WWOX: variants seen among roughly 807,000 people sequenced by gnomAD.
WWOX encodes the protein WW domain containing oxidoreductase, also known as WW domain-containing oxidoreductase.
In WWOX, 69 loss-of-function variants were observed where a neutral mutation model predicts 46.2. The ratio of observed to expected loss-of-function variants is 1.49; its 90% CI spans 1.23 to 1.82. The LOEUF is 1.82. WWOX is among the 40% of genes most tolerant of loss of function. WWOX has a pLI of 0.00. For missense variants in WWOX, 919 were observed against 542.6 expected (o/e 1.69, Z -6.89); for synonymous variants, 359 against 202.6 (o/e 1.77, Z -6.56).
intron 8 of WWOX, among the ~76,000 whole-genome samples, chr16:78,499,239 G>T (rs2084995656): frequency 6.6e-6 from 1 of 152,060 alleles, no homozygotes; most frequent in Non-Finnish European, 1.5e-5. Context: ...GGGGGGTGAG[G>T]GGGCGGAGGT....
At chr16:78,107,796 C>G (rs893342115) in intron 1 of WWOX, among the ~76,000 whole-genome samples, 11 of 151,968 alleles carry the variant, frequency 7.2e-5, no homozygotes, top group African/African-American at 2.7e-4. Flanking sequence ...ATAGTGAGAC[C>G]CTGATTCTTT....
intron 8 of WWOX, chr16:79,077,508 T>C (rs2048680353): frequency 6.6e-6 from 1 of 152,120 alleles, no homozygotes; most frequent in Admixed American, 6.5e-5. Flanking sequence ...ACAGAGATGG[T>C]CTAAACTGTA....
intron 2 of WWOX, among the ~76,000 whole-genome samples, chr16:78,109,446 T>C (rs916713331): frequency 6.6e-6 from 1 of 152,146 alleles, no homozygotes; most frequent in Non-Finnish European, 1.5e-5. Context: ...ATGAATGACG[T>C]TGGGTGCCTG....
chr16:78,446,818 C>A (rs4374181), intron 8 of WWOX, among the ~76,000 whole-genome samples: 17,157 of 151,504 alleles, frequency 0.11, 1,080 homozygotes, highest in East Asian at 0.2. Flanking sequence ...GTGCTACTAC[C>A]CCCGGCAAAC....
chr16:79,173,729 C>G (rs1284281869), intron 8 of WWOX, among the ~76,000 whole-genome samples: 2 of 151,166 alleles, frequency 1.3e-5, no homozygotes, highest in Non-Finnish European at 2.9e-5. Context: ...AGTATATTCA[C>G]TTAATGGAAT....
At chr16:78,328,717 C>G (rs2080688540) in intron 5 of WWOX, among the ~76,000 whole-genome samples, 1 of 152,154 alleles carries the variant, frequency 6.6e-6, no homozygotes, top group African/African-American at 2.4e-5. Context: ...CAGTCTGGGA[C>G]TTCTGCTGAA....
intron 5 of WWOX, among the ~76,000 whole-genome samples, chr16:78,306,424 C>G (rs7200663): frequency 0.054 from 8,234 of 152,188 alleles, 586 homozygotes; most frequent in African/African-American, 0.17. Flanking sequence ...AACCCTGCAT[C>G]ATGGTGTCCA....
intron 8 of WWOX, among the ~76,000 whole-genome samples, chr16:78,802,468 T>G (rs1275758319): frequency 6.6e-6 from 1 of 152,288 alleles, no homozygotes; most frequent in East Asian, 1.9e-4. Flanking sequence ...TCCACTATAT[T>G]AATCTGGAAT....
intron 8 of WWOX, among the ~76,000 whole-genome samples, chr16:79,081,555 A>G (rs370806872): frequency 3.9e-5 from 6 of 152,324 alleles, no homozygotes; most frequent in African/African-American, 1.4e-4. Context: ...CAACTCTGCT[A>G]TCTGCTCTTT....
Position 78,424,983 on chromosome 16 carries a change from T to C in WWOX, c.719T>C (p.Val240Ala). The change falls in exon 7 of 9, where the codon GTC (valine) becomes GCC (alanine). Residue 240 changes from valine (V) to alanine (A), a missense_variant. By Grantham distance (64) the Val-to-Ala change is moderately conservative. Transcript: ENST00000566780. ...AATCATCTGGGGCACTTCTACCTTG[T>C]CCAGCTCCTCCAGGATGTTTTGTGC... ...QVNHLGHFYL[V>A]QLLQDVLCRS... is the part of the protein sequence containing the mutation. The C allele has an allele frequency of 6.2e-7, 1 of 1,614,194 alleles. No individual in the cohort carries two copies. The highest frequency in any genetic ancestry group is 8.5e-7 in the Non-Finnish European group (1 of 1,180,034).
intron 8 of WWOX, among the ~76,000 whole-genome samples, chr16:78,683,820 A>G (rs190879186): frequency 3.9e-5 from 6 of 152,306 alleles, no homozygotes; most frequent in Admixed American, 3.3e-4. Flanking sequence ...GATGTATGTA[A>G]TTCAGATTTT....
intron 4 of WWOX, among the ~76,000 whole-genome samples, chr16:78,157,571 A>G (rs1424795065): frequency 6.6e-6 from 1 of 152,234 alleles, no homozygotes; most frequent in Non-Finnish European, 1.5e-5. Flanking sequence ...TTTGTGCATT[A>G]TTTCAGCATC....
At chr16:78,546,413 A>T (rs1381074584) in intron 8 of WWOX, among the ~76,000 whole-genome samples, 1 of 152,182 alleles carries the variant, frequency 6.6e-6, no homozygotes, top group African/African-American at 2.4e-5. Context: ...ATTGAGTGTA[A>T]CTAGAAAGTG....
chr16:79,211,157 A>C (rs2051729925), intron 8 of WWOX, among the ~76,000 whole-genome samples: 1 of 151,948 alleles, frequency 6.6e-6, no homozygotes, highest in South Asian at 2.1e-4. Flanking sequence ...TGGGTTTTCT[A>C]CCTGATGGAC....
rs551152433 is a variant in WWOX, at chr16:78,418,330, C to G, written c.606-6540C>G. Among the ~76,000 whole-genome samples the G allele has an allele frequency of 2.6e-5, 4 of 151,696 alleles. No individual in the cohort carries two copies. The South Asian group carries it at 8.4e-4, about 32-fold the overall frequency. On this transcript the variant is annotated intron_variant, in intron 6 of 8. Coordinates refer to ENST00000566780, the MANE Select transcript of WWOX (RefSeq NM_016373.4). ...AGTGAGCCGAGATTGCACCACTGCA[C>G]TCCAGCCTGGGCAGGAGACAGAGTA...
chr16:79,159,297 A>T (rs1281270441), intron 8 of WWOX, among the ~76,000 whole-genome samples: 1 of 152,220 alleles, frequency 6.6e-6, no homozygotes, highest in Non-Finnish European at 1.5e-5. Context: ...GATTTCCAAC[A>T]CAGCTAAATG....
At chr16:78,282,704 C>G (rs1461100650) in intron 5 of WWOX, among the ~76,000 whole-genome samples, 2 of 151,810 alleles carry the variant, frequency 1.3e-5, no homozygotes, top group Non-Finnish European at 2.9e-5. Flanking sequence ...ATGTGAGACC[C>G]CATGTCTACT....
chr16:78,206,830 A>G (rs767336844), intron 5 of WWOX, among the ~76,000 whole-genome samples: 2 of 152,220 alleles, frequency 1.3e-5, no homozygotes, highest in Non-Finnish European at 2.9e-5. Flanking sequence ...TCACACAACT[A>G]AAAGAAGTGA....
intron 8 of WWOX, among the ~76,000 whole-genome samples, chr16:78,509,363 C>T (rs527551310): frequency 5.9e-5 from 9 of 151,908 alleles, no homozygotes; most frequent in African/African-American, 2.2e-4. Context: ...CGCTTGAACC[C>T]GGGAGGCGGA....
Sources: allele counts gnomAD v4.1 joint callset (sites outside exome capture counted in the v4.1 genomes callset), GRCh38; gene constraint gnomAD v4.1.1; transcripts MANE v1.5; gene names NCBI Gene and HGNC (gene_info 2026-07-23, HGNC 2026-07-21).